The following C1QTNF9 variants were observed in gnomAD, a reference collection of about 807,000 sequenced individuals.
C1QTNF9 encodes the protein complement C1q and tumor necrosis factor-related protein 9A.
A neutral mutation model predicts 10.1 loss-of-function variants in C1QTNF9; 6 were observed. That is an observed-to-expected ratio of 0.59 (90% CI 0.32 to 1.17). The LOEUF (loss-of-function observed/expected upper bound fraction) is 1.17. Ranked by LOEUF, C1QTNF9 falls within the 50% of genes most tolerant of loss-of-function variation. The pLI, the probability that C1QTNF9 is intolerant of heterozygous loss-of-function variation, is 0.04. For synonymous variants in C1QTNF9, 98 were observed against 163.5 expected, an observed-to-expected ratio of 0.60 and a Z score of 3.06; for missense variants, 201 against 418.8, an observed-to-expected ratio of 0.48 and a Z score of 4.54.
intron 3 of C1QTNF9, among the ~76,000 whole-genome samples, chr13:24,319,379 T>A (rs1565957330): frequency 1.3e-5 from 2 of 148,960 alleles, no homozygotes; most frequent in Non-Finnish European, 3.0e-5. Flanking sequence ...TCTATACAAA[T>A]AAAAAAAAAA....
At chr13:24,321,223 C>T in exon 4 of C1QTNF9, 1 of 1,302,056 alleles carries the variant, frequency 7.7e-7, no homozygotes, top group Non-Finnish European at 1.0e-6. Flanking sequence ...TTTACCGGGC[C>T]CCATGGGCCC....
At chr13:24,318,957 A>G in intron 3 of C1QTNF9, 77 bp downstream of exon 3, 1 of 1,571,054 alleles carries the variant, frequency 6.4e-7, no homozygotes, top group South Asian at 1.1e-5. Context: ...CAAGTCCTCC[A>G]TGCTGATTAT....
chr13:24,308,075 G>C, upstream of C1QTNF9, among the ~76,000 whole-genome samples: 1 of 152,236 alleles, frequency 6.6e-6, no homozygotes, highest in East Asian at 1.9e-4. Flanking sequence ...GCCTCTCCGC[G>C]TGGCTGGGCT....
chr13:24,319,206 T>C (rs1053204447), intron 3 of C1QTNF9, among the ~76,000 whole-genome samples: 9 of 152,176 alleles, frequency 5.9e-5, no homozygotes, highest in African/African-American at 2.2e-4. Flanking sequence ...TTTCCCATGG[T>C]TTCCATGTAT....
At chr13:24,312,760 T>A (rs567469925) in intron 1 of C1QTNF9, among the ~76,000 whole-genome samples, 1 of 151,734 alleles carries the variant, frequency 6.6e-6, no homozygotes, top group African/African-American at 2.4e-5. Flanking sequence ...ATCGAGACCA[T>A]CCTGGCTAAC....
At chr13:24,310,640 G>A (rs9511186) in intron 1 of C1QTNF9, among the ~76,000 whole-genome samples, 46,591 of 151,036 alleles carry the variant, frequency 0.31, 7,442 homozygotes, top group African/African-American at 0.39. Context: ...AAGGCTGGGC[G>A]CGGTGGCTCA....
intron 1 of C1QTNF9, among the ~76,000 whole-genome samples, chr13:24,312,034 C>G (rs1161077110): frequency 3.9e-5 from 6 of 152,162 alleles, no homozygotes; most frequent in South Asian, 2.1e-4. Flanking sequence ...ATCATGGGCC[C>G]CTAGAAGCCC....
chr13:24,319,503 C>T (rs950725964), intron 3 of C1QTNF9, among the ~76,000 whole-genome samples: 2 of 152,172 alleles, frequency 1.3e-5, no homozygotes, highest in African/African-American at 4.8e-5. Flanking sequence ...CTCGTCACTG[C>T]ACTCCAGCCT....
chr13:24,322,089 T>A, exon 4 of C1QTNF9: 1 of 259,720 alleles, frequency 3.9e-6, no homozygotes, highest in East Asian at 9.2e-5. Flanking sequence ...TGAAGATGTA[T>A]CCCTCATCTG....
chr13:24,309,306 T>TATATATATATATATATATATATATATA (rs963863876), upstream of C1QTNF9, among the ~76,000 whole-genome samples: 6 of 134,074 alleles, frequency 4.5e-5, 1 homozygote, highest in African/African-American at 1.8e-4. Context: ...TATATATATA[T>TATATATATATATATATATATATATATA]ATGAAAGAAA....
exon 4 of C1QTNF9, chr13:24,321,859 A>G: frequency 1.0e-5 from 14 of 1,402,458 alleles, no homozygotes; most frequent in Non-Finnish European, 1.3e-5. Context: ...AATTCCTCCA[A>G]TTATTACAAT....
intron 2 of C1QTNF9, among the ~76,000 whole-genome samples, chr13:24,318,165 T>G (rs3854478): frequency 2.6e-5 from 4 of 152,038 alleles, no homozygotes; most frequent in African/African-American, 7.3e-5. Flanking sequence ...ACCTTCAACC[T>G]GCTGACGGAT....
intron 3 of C1QTNF9, among the ~76,000 whole-genome samples, chr13:24,320,011 G>T (rs1878187747): frequency 6.6e-6 from 1 of 152,116 alleles, no homozygotes. Context: ...TGGTATGGGT[G>T]GGGGTGCAAG....
At chr13:24,308,614 G>A (rs1877692220), upstream of C1QTNF9, among the ~76,000 whole-genome samples, 1 of 152,210 alleles carries the variant, frequency 6.6e-6, no homozygotes, top group South Asian at 2.1e-4. Context: ...GCTGGGGCGA[G>A]CCCCGCACCC....
Position 24,316,162 on chromosome 13 carries a change from C to T in C1QTNF9, c.159C>T (p.Gly53=), listed in dbSNP as rs140529849. ...GAGACGGAGCGAAGGGTGACAAAGG[C>T]GATGCAGGTACTCACCTGACGGCTT... Residue 53 remains glycine (G), a synonymous_variant, in exon 2 of 4, where the codon GGC becomes GGT. Transcript: ENST00000332018. The T allele has an allele frequency of 4.3e-5, 68 of 1,599,062 alleles. 1 individual carries two copies. The highest frequency in any genetic ancestry group is 1.7e-4 in the Middle Eastern group (1 of 5,966).
At chr13:24,307,877 G>C (rs1280068539), upstream of C1QTNF9, among the ~76,000 whole-genome samples, 1 of 152,242 alleles carries the variant, frequency 6.6e-6, no homozygotes, top group African/African-American at 2.4e-5. Context: ...AGCCCCGGAG[G>C]CTGGAGGCGC....
At chr13:24,308,846 T>TA (rs959975025), upstream of C1QTNF9, among the ~76,000 whole-genome samples, 6 of 152,200 alleles carry the variant, frequency 3.9e-5, no homozygotes, top group Non-Finnish European at 2.9e-5. Flanking sequence ...GAAGCTACTG[T>TA]AAGTTTTAGA....
chr13:24,320,901 T>C (rs1296430709), intron 3 of C1QTNF9, 95 bp from the exon 4 acceptor site: 1 of 1,366,066 alleles, frequency 7.3e-7, no homozygotes, highest in African/African-American at 1.4e-5. Context: ...GTGCACTACT[T>C]TGTTTCATTT....
At chr13:24,315,867 G>A (rs1878000913) in intron 1 of C1QTNF9, 115 bp from the exon 2 acceptor site, 2 of 1,108,820 alleles carry the variant, frequency 1.8e-6, no homozygotes, top group African/African-American at 1.6e-5. Context: ...GTTTGTGCAG[G>A]TGTGGGTCTG....
Sources: allele counts gnomAD v4.1 joint callset (sites outside exome capture counted in the v4.1 genomes callset), GRCh38; gene constraint gnomAD v4.1.1; transcripts MANE v1.5; gene names NCBI Gene and HGNC (gene_info 2026-07-23, HGNC 2026-07-21).